Variants in WSB2 observed in about 807,000 individuals in gnomAD.
WSB2 encodes WD repeat and SOCS box containing 2, also known as WD repeat and SOCS box-containing protein 2.
WSB2 carries 12 observed loss-of-function variants against 48.8 expected under a neutral mutation model. That is an observed-to-expected ratio of 0.25 (90% confidence interval 0.16 to 0.40). The LOEUF is 0.40. Among genes scored for constraint, WSB2 ranks in the 10% least tolerant of loss-of-function variants. The pLI is 1.00. For synonymous variants in WSB2, 191 were observed against 203.1 expected (o/e 0.94, Z 0.51); for missense variants, 317 against 506.2 (o/e 0.63, Z 3.59).
chr12:118,035,368 G>A (rs755881831), intron 6 of WSB2, 44 bp from the exon 7 acceptor site: 1 of 1,552,900 alleles, frequency 6.4e-7, no homozygotes, highest in South Asian at 1.1e-5. Context: ...AGTGATGGCT[G>A]CTCTCCACCC....
intron 2 of WSB2, among the ~76,000 whole-genome samples, chr12:118,051,731 C>T (rs562449937): frequency 1.3e-5 from 2 of 152,270 alleles, no homozygotes; most frequent in South Asian, 4.1e-4. Context: ...CCCAGCACTT[C>T]GGGAGGCCGA....
At chr12:118,055,858 G>A (rs1451754413) in intron 1 of WSB2, among the ~76,000 whole-genome samples, 6 of 149,916 alleles carry the variant, frequency 4.0e-5, no homozygotes, top group East Asian at 2.0e-4. Context: ...GAAGCAATCC[G>A]CCCACCTCGG....
At chr12:118,044,513 G>T (rs1281219410) in intron 2 of WSB2, among the ~76,000 whole-genome samples, 2 of 152,116 alleles carry the variant, frequency 1.3e-5, no homozygotes, top group East Asian at 3.9e-4. Context: ...GATTAATGAG[G>T]CTCCTTCATT....
chr12:118,047,976 G>C (rs991121213), intron 2 of WSB2, among the ~76,000 whole-genome samples: 1 of 152,042 alleles, frequency 6.6e-6, no homozygotes, highest in Non-Finnish European at 1.5e-5. Context: ...GCCCAGGCTG[G>C]AGTGGCCTGG....
chr12:118,033,947 G>T lies in WSB2; in HGVS notation c.*249C>A. On this transcript the variant is annotated 3_prime_UTR_variant, in exon 9 of 9. Transcript: ENST00000315436. ...AGTTCAACACTTGCTGTTCATAACT[G>T]GACTGAAAATTTAACGTAAGGCTCT... 2.0e-6 allele frequency: 1 copy of T among 503,218 alleles called. No individual in the cohort carries two copies. Among genetic ancestry groups the T allele is most frequent in the Admixed American group, 3.2e-5 (1 of 30,780 alleles). 31.2% of individuals were successfully genotyped at this position (503,218 alleles called of 1,614,324 possible).
intron 2 of WSB2, among the ~76,000 whole-genome samples, chr12:118,047,398 T>G (rs2031766503): frequency 6.6e-6 from 1 of 151,846 alleles, no homozygotes; most frequent in South Asian, 2.1e-4. Context: ...AGAATTTAGC[T>G]TCACTGAAGT....
chr12:118,050,859 C>T (rs1464749922), intron 2 of WSB2, among the ~76,000 whole-genome samples: 2 of 151,980 alleles, frequency 1.3e-5, no homozygotes, highest in African/African-American at 4.8e-5. Flanking sequence ...TGAGACCAGC[C>T]TGGCCAACAT....
Position 118,033,236 on chromosome 12 carries a change from A to T in WSB2, c.*960T>A, listed in dbSNP as rs554469013. The stretch of plus-strand genomic sequence containing the variant: ...TTCGCAGTAGAGTTGAAACCAGCTG[A>T]TTAATCCAATGAAGTTAAACAGCAG... On this transcript the variant is annotated 3_prime_UTR_variant, in exon 9 of 9. Transcript: ENST00000315436. The T allele has an allele frequency of 6.6e-6, 1 of 152,546 alleles. No homozygotes were observed. Among genetic ancestry groups the T allele is most frequent in the African/African-American group, 2.4e-5 (1 of 41,570 alleles). 9.4% of individuals were successfully genotyped at this position (152,546 alleles called of 1,614,324 possible).
intron 2 of WSB2, among the ~76,000 whole-genome samples, chr12:118,048,109 TG>T (rs1489666502): frequency 6.6e-6 from 1 of 152,076 alleles, no homozygotes; most frequent in Non-Finnish European, 1.5e-5. Context: ...AAAACTTTTT[TG>T]TAGAAACCAA....
chr12:118,041,836 C>T (rs545402375), intron 4 of WSB2, among the ~76,000 whole-genome samples: 21 of 144,178 alleles, frequency 1.5e-4, no homozygotes, highest in Admixed American at 6.5e-4. Context: ...CTCACTGCAA[C>T]TTCTGCCTCC....
intron 1 of WSB2, among the ~76,000 whole-genome samples, chr12:118,057,919 GCA>G (rs1491325118): frequency 8.1e-6 from 1 of 124,088 alleles, no homozygotes; most frequent in African/African-American, 3.3e-5. Context: ...ACCACACTCA[GCA>G]TTTTTTTTTT....
intron 1 of WSB2, among the ~76,000 whole-genome samples, chr12:118,056,920 A>G (rs1202942398): frequency 6.6e-6 from 1 of 152,130 alleles, no homozygotes; most frequent in Non-Finnish European, 1.5e-5. Context: ...AAAAATAAAT[A>G]AAGCCCCTTA....
chr12:118,034,025 G>A lies in WSB2; in HGVS notation c.*171C>T. 1 of 844,374 alleles carries A rather than the reference G, an allele frequency of 1.2e-6. No individual in the cohort carries two copies. Among genetic ancestry groups the A allele is most frequent in the Non-Finnish European group, 1.8e-6 (1 of 543,334 alleles). The allele number at this position is 844,374 out of a possible 1,614,324, so 52.3% of individuals were successfully genotyped here. A position where few individuals can be genotyped will look rare whatever the true frequency, so the allele number is the denominator to read the frequency against. On this transcript the variant is annotated 3_prime_UTR_variant, in exon 9 of 9. Transcript: ENST00000315436. The stretch of plus-strand genomic sequence containing the variant: ...CTAAGACTGACTTTCACATGCCAGG[G>A]AGAGAAAGATCCATGACTAGTACAC...
intron 2 of WSB2, among the ~76,000 whole-genome samples, chr12:118,050,738 C>T (rs768240037): frequency 4.6e-5 from 7 of 152,012 alleles, no homozygotes; most frequent in Non-Finnish European, 1.0e-4. Flanking sequence ...AGAACGTATA[C>T]AAAGGACCAG....
chr12:118,046,130 G>C (rs2031739857), intron 2 of WSB2, among the ~76,000 whole-genome samples: 2 of 152,184 alleles, frequency 1.3e-5, no homozygotes, highest in African/African-American at 2.4e-5. Context: ...CAACAGTCAA[G>C]ACAGGGACCT....
intron 1 of WSB2, among the ~76,000 whole-genome samples, chr12:118,055,015 TA>T (rs11426565): frequency 2.0e-3 from 264 of 135,178 alleles, no homozygotes; most frequent in Admixed American, 3.1e-3. Context: ...TCCATCTCTT[TA>T]AAAAAAAAAA....
chr12:118,041,538 G>A lies in WSB2; in HGVS notation c.559+1303C>T, dbSNP rs748723836. On this transcript the variant is annotated intron_variant, in intron 4 of 8. Transcript: ENST00000315436. ...GTCCCTCCCATGGCTGTGTGGAGCT[G>A]GACAGTCATAGCTTGGGAGAGAGTG... Among the ~76,000 whole-genome samples, 26 of 151,968 alleles carry A rather than the reference G, an allele frequency of 1.7e-4. 1 individual carries two copies. The highest frequency in any genetic ancestry group is 9.8e-4 in the Admixed American group (15 of 15,246).
chr12:118,039,407 T>G (rs866475169), intron 4 of WSB2, among the ~76,000 whole-genome samples: 11 of 152,182 alleles, frequency 7.2e-5, no homozygotes, highest in African/African-American at 2.7e-4. Flanking sequence ...TACAGTTTAA[T>G]GAAAAATGCG....
intron 2 of WSB2, among the ~76,000 whole-genome samples, chr12:118,045,714 G>GAA (rs796232418): frequency 5.6e-5 from 4 of 72,062 alleles, no homozygotes; most frequent in Non-Finnish European, 3.3e-5. Flanking sequence ...CTGTCTCAAA[G>GAA]AAAAAAAAAA....
Sources: allele counts gnomAD v4.1 joint callset (sites outside exome capture counted in the v4.1 genomes callset), GRCh38; gene constraint gnomAD v4.1.1; transcripts MANE v1.5; gene names NCBI Gene and HGNC (gene_info 2026-07-23, HGNC 2026-07-21).